Variants in AIMP1 observed in about 807,000 individuals in gnomAD.
AIMP1 encodes the protein aminoacyl tRNA synthetase complex interacting multifunctional protein 1.
In AIMP1, 24 loss-of-function variants were observed where a neutral mutation model predicts 33.1. That is an observed-to-expected ratio of 0.73 (90% CI 0.53 to 1.02). The LOEUF is 1.02. Ranked by LOEUF, AIMP1 falls within the 50% of genes least tolerant of loss-of-function variation. The pLI is 0.00. For synonymous variants in AIMP1, 120 were observed against 121.5 expected, an observed-to-expected ratio of 0.99 and a Z score of 0.08; for missense variants, 367 against 364.8, an observed-to-expected ratio of 1.01 and a Z score of -0.05.
At chr4:106,335,277 C>A (rs1382657221) in intron 5 of AIMP1, among the ~76,000 whole-genome samples, 2 of 152,094 alleles carry the variant, frequency 1.3e-5, no homozygotes, top group Non-Finnish European at 2.9e-5. Context: ...TGATCTTCAG[C>A]CAGCTTAAAT....
intron 4 of AIMP1, 67 bp from the exon 5 acceptor site, chr4:106,331,605 G>T: frequency 7.3e-7 from 1 of 1,372,864 alleles, no homozygotes; most frequent in South Asian, 1.2e-5. Context: ...GGATACCATG[G>T]AGTTTTCATA....
rs201162461 is a variant in AIMP1, at chr4:106,328,164, C to A, written c.312C>A (p.Thr104=). The change falls in exon 4 of 7, where the codon ACC becomes ACA. Residue 104 remains threonine, a synonymous_variant. Coordinates refer to ENST00000672341, the MANE Select transcript of AIMP1 (RefSeq NM_001142416.2). ...ENVIQSTAVT[T]VSSGTKEQIK... is the part of the protein sequence containing the mutation. ...TGATACAGTCTACAGCAGTAACAAC[C>A]GTATCTTCTGGTACCAAAGAACAGA... 6.2e-7 allele frequency: 1 copy of A among 1,613,040 alleles called. No homozygotes were observed. The highest frequency in any genetic ancestry group is 8.5e-7 in the Non-Finnish European group (1 of 1,179,568).
intron 1 of AIMP1, among the ~76,000 whole-genome samples, chr4:106,322,437 T>C (rs534940871): frequency 6.6e-6 from 1 of 152,274 alleles, no homozygotes; most frequent in African/African-American, 2.4e-5. Context: ...CTAGAAAACA[T>C]TAACATAAAC....
At chr4:106,326,962 GA>G (rs1407208295) in intron 2 of AIMP1, among the ~76,000 whole-genome samples, 2 of 151,986 alleles carry the variant, frequency 1.3e-5, no homozygotes, top group African/African-American at 4.8e-5. Context: ...ATTTATTGTA[GA>G]GATGGGTTTT....
At chr4:106,331,630 G>T (rs774690715) in intron 4 of AIMP1, 42 bp from the exon 5 acceptor site, 1 of 1,570,860 alleles carries the variant, frequency 6.4e-7, no homozygotes, top group Non-Finnish European at 8.8e-7. Flanking sequence ...TTTTTTGCTT[G>T]GTTTTATTTC....
chr4:106,331,254 A>G (rs1769662294), intron 4 of AIMP1, among the ~76,000 whole-genome samples: 1 of 152,190 alleles, frequency 6.6e-6, no homozygotes, highest in Non-Finnish European at 1.5e-5. Flanking sequence ...AGTCTCTATT[A>G]TCCTGTTTCG....
At chr4:106,330,007 T>C (rs1681953328) in intron 4 of AIMP1, among the ~76,000 whole-genome samples, 1 of 152,038 alleles carries the variant, frequency 6.6e-6, no homozygotes, top group Admixed American at 6.6e-5. Flanking sequence ...GGTCTCGAAC[T>C]CCTGATCTCA....
chr4:106,327,397 T>C, intron 2 of AIMP1, 54 bp from the exon 3 acceptor site: 3 of 1,299,376 alleles, frequency 2.3e-6, no homozygotes, highest in Non-Finnish European at 3.3e-6. Flanking sequence ...TCAAATAGTA[T>C]TCATACAAAA....
chr4:106,325,221 G>C, intron 2 of AIMP1, 103 bp downstream of exon 2: 1 of 1,140,912 alleles, frequency 8.8e-7, no homozygotes, highest in Non-Finnish European at 1.3e-6. Flanking sequence ...GTTTTACTTA[G>C]AAGTTTCTGT....
intron 1 of AIMP1, among the ~76,000 whole-genome samples, chr4:106,316,968 C>T (rs954796393): frequency 6.6e-6 from 1 of 152,076 alleles, no homozygotes; most frequent in Non-Finnish European, 1.5e-5. Context: ...TTCCAGACAC[C>T]GTTCTAGGCA....
intron 1 of AIMP1, among the ~76,000 whole-genome samples, chr4:106,321,847 A>G (rs1209387136): frequency 6.6e-6 from 1 of 152,228 alleles, no homozygotes; most frequent in Non-Finnish European, 1.5e-5. Flanking sequence ...TTTGTTCTGT[A>G]CTAAGAAAAA....
At chr4:106,331,626 GC>G in intron 4 of AIMP1, 45 bp from the exon 5 acceptor site, 5 of 1,556,850 alleles carry the variant, frequency 3.2e-6, no homozygotes, top group Non-Finnish European at 4.4e-6. Flanking sequence ...GTGTTTTTTT[GC>G]TTGGTTTTAT....
chr4:106,320,947 C>T (rs187430285), intron 1 of AIMP1, among the ~76,000 whole-genome samples: 5 of 152,294 alleles, frequency 3.3e-5, no homozygotes, highest in Admixed American at 2.0e-4. Flanking sequence ...GGGGTTTCAC[C>T]GTGTTGGCCG....
intron 4 of AIMP1, among the ~76,000 whole-genome samples, 178 bp downstream of exon 4, chr4:106,328,421 T>C (rs1332219531): frequency 6.6e-6 from 1 of 152,116 alleles, no homozygotes; most frequent in Non-Finnish European, 1.5e-5. Flanking sequence ...TGTGTGAATA[T>C]TGACCAGATT....
Position 106,328,126 on chromosome 4 carries a change from GT to G in AIMP1, c.277del (p.Ser93LeufsTer4). 6.2e-7 allele frequency: 1 copy of G among 1,613,390 alleles called. No individual in the cohort carries two copies. The highest frequency in any genetic ancestry group is 8.5e-7 in the Non-Finnish European group (1 of 1,179,682). On this transcript the variant is annotated frameshift_variant, in exon 4 of 7. Transcript: ENST00000672341. LOFTEE classifies it high-confidence loss of function. ...TACTCCACTGCACGCTAATTCTATG[GT>G]TTCTGAAAATGTGATACAGTCTACA... is the stretch of plus-strand genomic sequence containing the variant. ...SGTPLHANSM[V>X]SENVIQSTAV...
rs768097890 is a variant in AIMP1 at position 106,325,103 on chromosome 4, C to T, written c.94C>T (p.Leu32Phe). 2 of 1,612,164 alleles carry T rather than the reference C, an allele frequency of 1.2e-6. No individual in the cohort carries two copies. The highest frequency in any genetic ancestry group is 3.3e-5 in the Admixed American group (2 of 59,926). Residue 32 changes from leucine (L) to phenylalanine (F), a missense_variant, in exon 2 of 7, where the codon CTT becomes TTT. Leu to Phe is a conservative substitution (Grantham distance 22). Transcript: ENST00000672341. ...IEYLKQQVSL[L>F]KEKAILQATL... is the part of the protein sequence containing the mutation. ...ATATCTTAAGCAGCAAGTTTCTCTA[C>T]TTAAGGAGAAAGCAAGTAAGAAAAT... is the stretch of plus-strand genomic sequence containing the variant.
intron 1 of AIMP1, among the ~76,000 whole-genome samples, chr4:106,323,220 G>T (rs1769331277): frequency 6.6e-6 from 1 of 151,894 alleles, no homozygotes; most frequent in African/African-American, 2.4e-5. Context: ...CAGTAAAATT[G>T]TATTTTTTTC....
chr4:106,323,250 A>G (rs557060220), intron 1 of AIMP1, among the ~76,000 whole-genome samples: 3 of 152,076 alleles, frequency 2.0e-5, no homozygotes, highest in South Asian at 2.1e-4. Flanking sequence ...AGGATTTATT[A>G]TCTCTATTTT....
intron 1 of AIMP1, among the ~76,000 whole-genome samples, chr4:106,322,544 A>G (rs1352735030): frequency 6.6e-6 from 1 of 152,232 alleles, no homozygotes; most frequent in Non-Finnish European, 1.5e-5. Flanking sequence ...AAAGACAGCA[A>G]ATGGCTTTTA....
Sources: allele counts gnomAD v4.1 joint callset (sites outside exome capture counted in the v4.1 genomes callset), GRCh38; gene constraint gnomAD v4.1.1; transcripts MANE v1.5; gene names NCBI Gene and HGNC (gene_info 2026-07-23, HGNC 2026-07-21).